The following ERBB4 variants were observed in gnomAD, a reference collection of about 807,000 sequenced individuals.
ERBB4 encodes receptor tyrosine-protein kinase erbB-4.
ERBB4 carries 42 observed loss-of-function variants against 158.0 expected under a neutral mutation model. The observed-to-expected ratio is 0.27, with a 90% confidence interval of 0.21 to 0.34. ERBB4 has a LOEUF of 0.34. Ranked by LOEUF, ERBB4 falls within the 10% of genes least tolerant of loss-of-function variation. The probability of loss-of-function intolerance (pLI) is 1.00; values close to 1 mark genes in which losing one functional copy is unlikely to be tolerated. For missense variants in ERBB4, 1,333 were observed against 1,624.1 expected, an observed-to-expected ratio of 0.82 and a Z score of 3.08; for synonymous variants, 583 against 558.7, an observed-to-expected ratio of 1.04 and a Z score of -0.61.
chr2:211,831,790 C>G (rs1332391922), intron 3 of ERBB4, among the ~76,000 whole-genome samples: 1 of 151,930 alleles, frequency 6.6e-6, no homozygotes, highest in Admixed American at 6.6e-5. Flanking sequence ...ATAATCCCAG[C>G]TACTTGGGAG....
At chr2:211,580,859 GCATATACA>G (rs1559317500) in intron 19 of ERBB4, among the ~76,000 whole-genome samples, 767 of 66,046 alleles carry the variant, frequency 0.012, 119 homozygotes, top group African/African-American at 0.051. Flanking sequence ...TATATAGTAT[GCATATACA>G]TATATATATA....
chr2:212,206,589 C>CTTTTTTTTTTTTTTTTTTTTTTTTTTT lies in ERBB4; in HGVS notation c.83-81687_83-81686insAAAAAAAAAAAAAAAAAAAAAAAAAAA, dbSNP rs5838309. On this transcript the variant is annotated intron_variant, in intron 1 of 27. Transcript: ENST00000342788. Reference sequence around the variant, plus strand: ...ATGAACTGTCTCCGTCTGTTCTGTTCTTTTTTTTTTTTTTTTGAGACGGAG... The same window carrying CTTTTTTTTTTTTTTTTTTTTTTTTTTT: ...ATGAACTGTCTCCGTCTGTTCTGTTCTTTTTTTTTTTTTTTTTTTTTTTTTTTTTTTTTTTTTTTTTTTGAGACGGAG... Among the ~76,000 whole-genome samples, 368 of 116,376 alleles carry CTTTTTTTTTTTTTTTTTTTTTTTTTTT rather than the reference C, an allele frequency of 3.2e-3. 44 individuals are homozygous for CTTTTTTTTTTTTTTTTTTTTTTTTTTT. The highest frequency in any genetic ancestry group is 4.3e-3 in the African/African-American group (120 of 27,668). The allele number at this position is 116,376 out of a possible 152,430, so 76.3% of individuals were successfully genotyped here.
chr2:212,129,919 T>C (rs2080060977), intron 1 of ERBB4, among the ~76,000 whole-genome samples: 1 of 152,114 alleles, frequency 6.6e-6, no homozygotes, highest in African/African-American at 2.4e-5. Flanking sequence ...TCATAAATTT[T>C]ATCTTGAAAG....
In ERBB4 at chr2:211,700,522, T is replaced by TA. The variant is rs557537515; in HGVS notation, c.1489+1444dup. ...TTTTAAGGATCGAAAAGAGCTAAAA[T>TA]ATAAGAGAATTCCTCACAAATTATA... On this transcript the variant is annotated intron_variant, in intron 12 of 27. Coordinates refer to ENST00000342788, the MANE Select transcript of ERBB4 (RefSeq NM_005235.3). Among the ~76,000 whole-genome samples the TA allele has an allele frequency of 2.0e-5, 3 of 152,220 alleles. No individual in the cohort carries two copies. The South Asian group carries it at 6.2e-4, about 32-fold the overall frequency.
At chr2:211,418,168 C>A (rs2063434983) in intron 25 of ERBB4, among the ~76,000 whole-genome samples, 1 of 151,704 alleles carries the variant, frequency 6.6e-6, no homozygotes, top group Non-Finnish European at 1.5e-5. Flanking sequence ...GTTCCCTTAG[C>A]ACGTTATTTA....
chr2:212,071,359 T>C (rs1002012093), intron 2 of ERBB4, among the ~76,000 whole-genome samples: 3 of 150,902 alleles, frequency 2.0e-5, no homozygotes, highest in Non-Finnish European at 4.4e-5. Flanking sequence ...TCAATATTCA[T>C]TGATTTCTGG....
chr2:211,481,221 TAAGA>T (rs1012399316), intron 20 of ERBB4, among the ~76,000 whole-genome samples: 1 of 151,834 alleles, frequency 6.6e-6, no homozygotes, highest in Non-Finnish European at 1.5e-5. Context: ...GCTAAAGTAA[TAAGA>T]AAGAGATAAT....
At chr2:212,243,652 T>C (rs1285633134) in intron 1 of ERBB4, among the ~76,000 whole-genome samples, 2 of 152,122 alleles carry the variant, frequency 1.3e-5, no homozygotes, top group Non-Finnish European at 2.9e-5. Context: ...TCAGGCAATC[T>C]AGATTACTGT....
intron 3 of ERBB4, among the ~76,000 whole-genome samples, chr2:211,844,445 C>A (rs2077546005): frequency 6.6e-6 from 1 of 152,126 alleles, no homozygotes; most frequent in Admixed American, 6.6e-5. Flanking sequence ...TGTCAAATAT[C>A]TCAACTCTGA....
intron 14 of ERBB4, among the ~76,000 whole-genome samples, chr2:211,671,844 C>T (rs1559402192): frequency 6.6e-6 from 1 of 152,150 alleles, no homozygotes; most frequent in Non-Finnish European, 1.5e-5. Flanking sequence ...ACATTCTTTA[C>T]AGAATTCATA....
Position 212,168,894 on chromosome 2 carries a change from GT to G in ERBB4, c.83-43992del, listed in dbSNP as rs2081427851. ...ATGTAACCTAAATGTCAGACTAAAG[GT>G]TTTGTATTTTCATCAAATAGAAGTA... On this transcript the variant is annotated intron_variant, in intron 1 of 27. Coordinates refer to ENST00000342788, the MANE Select transcript of ERBB4 (RefSeq NM_005235.3). 2.6e-5 allele frequency among the ~76,000 whole-genome samples: 4 copies of G among 151,998 alleles called. No homozygotes were observed. The South Asian group carries it at 8.3e-4, about 31-fold the overall frequency.
chr2:211,721,176 A>AT (rs2074077810), intron 7 of ERBB4, among the ~76,000 whole-genome samples: 1 of 152,168 alleles, frequency 6.6e-6, no homozygotes, highest in Non-Finnish European at 1.5e-5. Context: ...ACTGTGACCT[A>AT]TCACACGAAG....
chr2:211,906,233 G>C (rs1230373998), intron 3 of ERBB4, among the ~76,000 whole-genome samples: 1 of 152,086 alleles, frequency 6.6e-6, no homozygotes, highest in African/African-American at 2.4e-5. Flanking sequence ...TGGATGTGCA[G>C]AGACATGTAG....
At chr2:212,089,173 T>C in intron 2 of ERBB4, among the ~76,000 whole-genome samples, 1 of 152,164 alleles carries the variant, frequency 6.6e-6, no homozygotes, top group Non-Finnish European at 1.5e-5. Flanking sequence ...ACATTTTGTA[T>C]CAATTAAAAT....
chr2:211,640,602 C>A (rs938866252), intron 16 of ERBB4, among the ~76,000 whole-genome samples: 3 of 152,098 alleles, frequency 2.0e-5, no homozygotes, highest in African/African-American at 7.2e-5. Context: ...CAAGCCTAGA[C>A]TCTTAGTATA....
intron 20 of ERBB4, among the ~76,000 whole-genome samples, chr2:211,558,891 G>T (rs1270289654): frequency 6.6e-6 from 1 of 152,056 alleles, no homozygotes; most frequent in Non-Finnish European, 1.5e-5. Context: ...TAGATTCCGG[G>T]AATAAATGAG....
intron 2 of ERBB4, among the ~76,000 whole-genome samples, chr2:212,013,502 TA>T (rs1353237984): frequency 6.6e-6 from 1 of 152,204 alleles, no homozygotes; most frequent in Non-Finnish European, 1.5e-5. Context: ...GAATGTGACC[TA>T]ATTTGGAAAT....
intron 19 of ERBB4, among the ~76,000 whole-genome samples, chr2:211,611,953 T>C (rs1333959844): frequency 6.6e-6 from 1 of 152,160 alleles, no homozygotes; most frequent in Non-Finnish European, 1.5e-5. Context: ...GAAAAAATCT[T>C]CCAAGGGTCT....
At chr2:211,861,981 C>T (rs2078068683) in intron 3 of ERBB4, among the ~76,000 whole-genome samples, 1 of 152,110 alleles carries the variant, frequency 6.6e-6, no homozygotes, top group African/African-American at 2.4e-5. Flanking sequence ...AATTTCTTTT[C>T]TTTTTCTATA....
Sources: allele counts gnomAD v4.1 joint callset (sites outside exome capture counted in the v4.1 genomes callset), GRCh38; gene constraint gnomAD v4.1.1; transcripts MANE v1.5; gene names NCBI Gene and HGNC (gene_info 2026-07-23, HGNC 2026-07-21).